Variants in EYS observed in about 807,000 individuals in gnomAD.
EYS encodes EGF-like photoreceptor maintenance factor.
A neutral mutation model predicts 282.1 loss-of-function variants in EYS; 250 were observed. That is an observed-to-expected ratio of 0.89 (90% CI 0.80 to 0.98). The LOEUF is 0.98. Among genes scored for constraint, EYS ranks in the 50% least tolerant of loss-of-function variants. The pLI, the probability that EYS is intolerant of heterozygous loss-of-function variation, is 0.00. For missense variants in EYS, 4,016 were observed against 3,709.0 expected (o/e 1.08, Z -2.15); for synonymous variants, 1,355 against 1,282.9 (o/e 1.06, Z -1.20).
chr6:65,450,592 T>G (rs975850865), intron 5 of EYS, among the ~76,000 whole-genome samples: 5 of 152,170 alleles, frequency 3.3e-5, no homozygotes, highest in Admixed American at 1.3e-4. Context: ...GGAAGTGGCC[T>G]AGGCCTTTAT....
chr6:64,871,530 T>C (rs1394804684), intron 19 of EYS, among the ~76,000 whole-genome samples: 1 of 151,928 alleles, frequency 6.6e-6, no homozygotes, highest in African/African-American at 2.4e-5. Flanking sequence ...ACTTTTGGGA[T>C]AAAAATAAAA....
intron 12 of EYS, among the ~76,000 whole-genome samples, chr6:65,294,357 C>A (rs1768606141): frequency 6.6e-6 from 1 of 151,846 alleles, no homozygotes. Flanking sequence ...AAGAAAAAGA[C>A]ACAATAGAAA....
chr6:65,283,749 A>C (rs961037585), intron 12 of EYS, among the ~76,000 whole-genome samples: 2 of 152,024 alleles, frequency 1.3e-5, no homozygotes, highest in African/African-American at 4.8e-5. Context: ...GTGTCAAGCT[A>C]GCTTTCTCAT....
At chr6:64,294,850 G>T (rs1038579783) in intron 30 of EYS, among the ~76,000 whole-genome samples, 1 of 152,126 alleles carries the variant, frequency 6.6e-6, no homozygotes, top group South Asian at 2.1e-4. Flanking sequence ...TATAAGTTAT[G>T]AATTACATGC....
chr6:64,420,791 C>T (rs1380918382), intron 28 of EYS, among the ~76,000 whole-genome samples: 3 of 152,176 alleles, frequency 2.0e-5, no homozygotes, highest in African/African-American at 7.2e-5. Flanking sequence ...CAAGAATCAC[C>T]TTTATTCCCG....
intron 14 of EYS, among the ~76,000 whole-genome samples, chr6:64,995,132 T>C (rs1771206673): frequency 6.6e-6 from 1 of 152,132 alleles, no homozygotes; most frequent in African/African-American, 2.4e-5. Flanking sequence ...GGAGACTGAT[T>C]AGCTAAGGTC....
intron 2 of EYS, among the ~76,000 whole-genome samples, chr6:65,620,777 A>G (rs1766447682): frequency 6.6e-6 from 1 of 151,928 alleles, no homozygotes; most frequent in Non-Finnish European, 1.5e-5. Flanking sequence ...GGTTTCAAAG[A>G]ACATCTTTAT....
chr6:64,343,528 T>C (rs1771224964), intron 29 of EYS, among the ~76,000 whole-genome samples: 1 of 151,914 alleles, frequency 6.6e-6, no homozygotes, highest in Non-Finnish European at 1.5e-5. Flanking sequence ...AGACACAACA[T>C]ACCAGAATCT....
intron 29 of EYS, among the ~76,000 whole-genome samples, chr6:64,363,674 A>G (rs188944484): frequency 8.6e-5 from 13 of 152,040 alleles, no homozygotes; most frequent in Admixed American, 7.9e-4. Flanking sequence ...ATTAAAAGCT[A>G]TGCAAAATCA....
intron 12 of EYS, among the ~76,000 whole-genome samples, chr6:65,249,813 A>G (rs1211523739): frequency 6.6e-6 from 1 of 152,100 alleles, no homozygotes; most frequent in Non-Finnish European, 1.5e-5. Context: ...CCACAGGAGA[A>G]ATAATGTACA....
At chr6:63,969,097 T>C (rs913457439) in intron 35 of EYS, among the ~76,000 whole-genome samples, 3 of 152,254 alleles carry the variant, frequency 2.0e-5, no homozygotes, top group Non-Finnish European at 4.4e-5. Flanking sequence ...TTTTTCAATA[T>C]AGCATCAATA....
intron 30 of EYS, among the ~76,000 whole-genome samples, chr6:64,295,146 G>A (rs555435067): frequency 9.3e-5 from 14 of 151,006 alleles, no homozygotes; most frequent in Admixed American, 1.3e-4. Flanking sequence ...AGGCCGAAGC[G>A]GGGGGATCAC....
At chr6:64,496,382 AGTG>A (rs1776890650) in intron 26 of EYS, among the ~76,000 whole-genome samples, 1 of 151,948 alleles carries the variant, frequency 6.6e-6, no homozygotes, top group Non-Finnish European at 1.5e-5. Context: ...TGAAATGAAT[AGTG>A]GCCTTGCTTG....
rs1172852524 is a variant in EYS at position 63,864,214 on chromosome 6, A to G, written c.7200T>C (p.Tyr2400=). 2.3e-5 allele frequency: 36 copies of G among 1,546,884 alleles called. No individual in the cohort carries two copies. The highest frequency in any genetic ancestry group is 3.0e-5 in the Non-Finnish European group (34 of 1,143,924). Residue 2400 remains tyrosine (Y), a synonymous_variant, in exon 36 of 43, where the codon TAT becomes TAC. Transcript: ENST00000503581. ...SGTDIVCLCP[Y]GRSGPLCTDA... The stretch of plus-strand genomic sequence containing the variant: ...CAGTGCAGAGGGGTCCAGACCTCCC[A>G]TATGGGCAGAGGCAGACAATATCTG...
chr6:65,102,274 T>G (rs1774916176), intron 12 of EYS, among the ~76,000 whole-genome samples: 1 of 151,336 alleles, frequency 6.6e-6, no homozygotes, highest in Admixed American at 6.6e-5. Context: ...AAAAGCAAAA[T>G]GACTTACATT....
At position 64,504,345 on chromosome 6, in the gene EYS, A is replaced by G. The variant is rs535556199; in HGVS notation, c.5645-64993T>C. ...CCTAACATTTTAGGAAAACTTACCA[A>G]TGACACTTCTGTTATGATGATGAAT... On this transcript the variant is annotated intron_variant, in intron 26 of 42. Coordinates refer to ENST00000503581, the MANE Select transcript of EYS (RefSeq NM_001142800.2). Among the ~76,000 whole-genome samples, 10 of 152,326 alleles carry G rather than the reference A, an allele frequency of 6.6e-5. No individual in the cohort carries two copies. The South Asian group carries it at 1.2e-3, about 19-fold the overall frequency.
chr6:64,094,413 A>T (rs529522788), intron 31 of EYS, among the ~76,000 whole-genome samples: 61 of 152,242 alleles, frequency 4.0e-4, no homozygotes, highest in African/African-American at 1.3e-3. Context: ...TAAGCTATTA[A>T]TTATTGCCTC....
At chr6:63,892,256 G>T (rs987648479) in intron 35 of EYS, among the ~76,000 whole-genome samples, 2 of 152,108 alleles carry the variant, frequency 1.3e-5, no homozygotes, top group East Asian at 1.9e-4. Context: ...AACCAAAAAA[G>T]AGCCCATATA....
chr6:65,192,798 T>C (rs1765673764), intron 12 of EYS, among the ~76,000 whole-genome samples: 1 of 151,778 alleles, frequency 6.6e-6, no homozygotes, highest in African/African-American at 2.4e-5. Context: ...TATTGATCCA[T>C]AATATTTATA....
Sources: allele counts gnomAD v4.1 joint callset (sites outside exome capture counted in the v4.1 genomes callset), GRCh38; gene constraint gnomAD v4.1.1; transcripts MANE v1.5; gene names NCBI Gene and HGNC (gene_info 2026-07-23, HGNC 2026-07-21).